PIK3CB: variants seen among roughly 807,000 people sequenced by gnomAD.
PIK3CB encodes phosphatidylinositol 4,5-bisphosphate 3-kinase catalytic subunit beta isoform.
PIK3CB carries 39 observed loss-of-function variants against 136.8 expected under a neutral mutation model. The ratio of observed to expected loss-of-function variants is 0.29; its 90% CI spans 0.22 to 0.37. The LOEUF is 0.37. Ranked by LOEUF, PIK3CB falls within the 10% of genes least tolerant of loss-of-function variation. The pLI is 1.00. For missense variants in PIK3CB, 868 were observed against 1,275.4 expected, an observed-to-expected ratio of 0.68 and a Z score of 4.87; for synonymous variants, 428 against 436.6, an observed-to-expected ratio of 0.98 and a Z score of 0.25.
intron 14 of PIK3CB, among the ~76,000 whole-genome samples, chr3:138,694,298 C>T (rs972231620): frequency 6.6e-6 from 1 of 151,890 alleles, no homozygotes; most frequent in African/African-American, 2.4e-5. Context: ...GATAGCTGCC[C>T]GTAAAAACCG....
At chr3:138,810,847 GAA>G (rs1933004972) in intron 1 of PIK3CB, among the ~76,000 whole-genome samples, 4 of 151,944 alleles carry the variant, frequency 2.6e-5, no homozygotes, top group African/African-American at 9.7e-5. Flanking sequence ...ATGAACCCGG[GAA>G]GCGGAGCTTG....
Position 138,817,380 on chromosome 3 carries a change from G to A in PIK3CB, c.-122+17315C>T, listed in dbSNP as rs187269307. Among the ~76,000 whole-genome samples the A allele has an allele frequency of 2.3e-3, 343 of 152,128 alleles. 2 individuals are homozygous for A. Among genetic ancestry groups the A allele is most frequent in the African/African-American group, 7.8e-3 (326 of 41,534 alleles). ...AACAAAAAAAAATTAGCCGGGCCTG[G>A]TGGCGCATGCCTGTAATCCCAGCTA... On this transcript the variant is annotated intron_variant, in intron 1 of 23. Transcript: ENST00000674063.
intron 1 of PIK3CB, among the ~76,000 whole-genome samples, chr3:138,833,140 C>A (rs1362129121): frequency 6.7e-6 from 1 of 149,164 alleles, no homozygotes; most frequent in East Asian, 2.0e-4. Flanking sequence ...CATCTCGGCT[C>A]ACTGCAACCT....
At chr3:138,828,811 G>A (rs1055159860) in intron 1 of PIK3CB, among the ~76,000 whole-genome samples, 5 of 151,546 alleles carry the variant, frequency 3.3e-5, no homozygotes, top group African/African-American at 4.9e-5. Flanking sequence ...TTTCTGAGAC[G>A]GAGTTTCACT....
At chr3:138,809,606 CAAAAAAAAAAAA>C (rs57717750) in intron 1 of PIK3CB, among the ~76,000 whole-genome samples, 1 of 113,672 alleles carries the variant, frequency 8.8e-6, no homozygotes, top group African/African-American at 3.5e-5. Flanking sequence ...GACTTTGCCT[CAAAAAAAAAAAA>C]AAAAAAAGAA....
intron 1 of PIK3CB, among the ~76,000 whole-genome samples, chr3:138,832,715 A>G (rs1934087032): frequency 6.6e-6 from 1 of 151,420 alleles, no homozygotes. Flanking sequence ...TGTAATCCCA[A>G]CTACTCGGGA....
intron 1 of PIK3CB, among the ~76,000 whole-genome samples, chr3:138,830,278 G>A (rs1367434305): frequency 3.3e-5 from 5 of 152,184 alleles, no homozygotes; most frequent in African/African-American, 4.8e-5. Flanking sequence ...GCCCAGGCGC[G>A]GTGGCTCACC....
At chr3:138,828,618 G>A (rs943557783) in intron 1 of PIK3CB, among the ~76,000 whole-genome samples, 3 of 152,006 alleles carry the variant, frequency 2.0e-5, no homozygotes, top group Non-Finnish European at 4.4e-5. Context: ...AAATAAGCAA[G>A]CTGGGAGAGG....
At chr3:138,669,972 A>G in intron 19 of PIK3CB, among the ~76,000 whole-genome samples, 1 of 152,246 alleles carries the variant, frequency 6.6e-6, no homozygotes, top group East Asian at 1.9e-4. Flanking sequence ...ATGAACTTAA[A>G]AAAAAATTAA....
intron 8 of PIK3CB, among the ~76,000 whole-genome samples, chr3:138,723,436 A>G (rs2044770264): frequency 1.3e-5 from 2 of 152,158 alleles, no homozygotes; most frequent in Admixed American, 1.3e-4. Flanking sequence ...CTATGATCCC[A>G]GCTACTCAGG....
chr3:138,802,049 CA>C (rs1209467145), intron 1 of PIK3CB, among the ~76,000 whole-genome samples: 1 of 149,694 alleles, frequency 6.7e-6, no homozygotes, highest in Non-Finnish European at 1.5e-5. Flanking sequence ...TTTCTAAAAA[CA>C]AAAACAAAAA....
Position 138,791,980 on chromosome 3 carries a change from G to T in PIK3CB, c.-17+4483C>A, listed in dbSNP as rs373253900. 1.6e-4 allele frequency among the ~76,000 whole-genome samples: 24 copies of T among 152,200 alleles called. No individual in the cohort carries two copies. The South Asian group carries it at 4.6e-3, about 29-fold the overall frequency. On this transcript the variant is annotated intron_variant, in intron 2 of 23. Transcript: ENST00000674063. ...TATATAGTAGGCCCTCCATATCTGT[G>T]TGTTCTATATCGGTGGGTTCCACAT...
At chr3:138,740,481 A>G (rs925649839) in intron 5 of PIK3CB, among the ~76,000 whole-genome samples, 1 of 152,212 alleles carries the variant, frequency 6.6e-6, no homozygotes, top group African/African-American at 2.4e-5. Flanking sequence ...AGACAGTGTC[A>G]CACACATCAA....
At chr3:138,703,287 A>C (rs1157682218) in intron 12 of PIK3CB, among the ~76,000 whole-genome samples, 3 of 152,228 alleles carry the variant, frequency 2.0e-5, no homozygotes, top group East Asian at 3.8e-4. Flanking sequence ...CTAATGGCAA[A>C]GGAGAAGACA....
chr3:138,787,422 T>C (rs2045994177), intron 2 of PIK3CB, among the ~76,000 whole-genome samples: 1 of 151,184 alleles, frequency 6.6e-6, no homozygotes. Flanking sequence ...AGACACATCA[T>C]TTACAAAGAA....
chr3:138,706,457 T>G (rs545145030), intron 11 of PIK3CB, among the ~76,000 whole-genome samples: 2 of 152,216 alleles, frequency 1.3e-5, no homozygotes, highest in Non-Finnish European at 2.9e-5. Context: ...AACAGACATA[T>G]TCAACAAAAA....
chr3:138,790,922 C>G (rs949792369), intron 2 of PIK3CB, among the ~76,000 whole-genome samples: 2 of 151,730 alleles, frequency 1.3e-5, no homozygotes, highest in African/African-American at 4.8e-5. Flanking sequence ...GAGATCACAC[C>G]ACTGCACTCC....
chr3:138,802,837 G>A (rs11713049), intron 1 of PIK3CB, among the ~76,000 whole-genome samples: 61,622 of 152,034 alleles, frequency 0.41, 13,316 homozygotes, highest in Middle Eastern at 0.47. Flanking sequence ...GCCTCATACA[G>A]CACACAATAC....
chr3:138,657,988 G>C (rs1469779380), intron 21 of PIK3CB, among the ~76,000 whole-genome samples, 153 bp from the exon 22 acceptor site: 1 of 152,134 alleles, frequency 6.6e-6, no homozygotes, highest in African/African-American at 2.4e-5. Flanking sequence ...CAGGTGAGAA[G>C]AGACCATATC....
Sources: allele counts gnomAD v4.1 joint callset (sites outside exome capture counted in the v4.1 genomes callset), GRCh38; gene constraint gnomAD v4.1.1; transcripts MANE v1.5; gene names NCBI Gene and HGNC (gene_info 2026-07-23, HGNC 2026-07-21).